The following KANK1 variants were observed in gnomAD, a reference collection of about 807,000 sequenced individuals.
KANK1 encodes KN motif and ankyrin repeat domain-containing protein 1.
KANK1 carries 109 observed loss-of-function variants against 106.2 expected under a neutral mutation model. That is an observed-to-expected ratio of 1.03 (90% confidence interval 0.88 to 1.20). The LOEUF (loss-of-function observed/expected upper bound fraction) is 1.20, where lower values mean the gene tolerates loss of function less well. Among genes scored for constraint, KANK1 ranks in the 50% most tolerant of loss-of-function variants. The pLI is 0.00. For synonymous variants in KANK1, 873 were observed against 652.2 expected (o/e 1.34, Z -5.16); for missense variants, 2,399 against 1,710.7 (o/e 1.40, Z -7.10).
intron 3 of KANK1, among the ~76,000 whole-genome samples, chr9:717,912 ATC>A (rs1394337489): frequency 6.6e-6 from 1 of 152,168 alleles, no homozygotes; most frequent in Admixed American, 6.5e-5. Flanking sequence ...TAGAACATTC[ATC>A]TCTCATACTG....
intron 1 of KANK1, among the ~76,000 whole-genome samples, chr9:642,997 A>C (rs1294302678): frequency 6.6e-6 from 1 of 150,660 alleles, no homozygotes; most frequent in African/African-American, 2.5e-5. Flanking sequence ...GCTCCATATT[A>C]AATATGGTGG....
intron 1 of KANK1, among the ~76,000 whole-genome samples, chr9:620,778 C>G (rs1323140731): frequency 6.6e-6 from 1 of 152,078 alleles, no homozygotes; most frequent in African/African-American, 2.4e-5. Context: ...AAAAAGCCAA[C>G]TTTTAAAAAT....
intron 1 of KANK1, among the ~76,000 whole-genome samples, chr9:509,637 A>G (rs1414688807): frequency 3.9e-5 from 6 of 152,134 alleles, no homozygotes; most frequent in African/African-American, 1.2e-4. Context: ...CTGGTGTTTT[A>G]CTAGTACATA....
At chr9:513,092 C>T (rs1162050075) in intron 1 of KANK1, among the ~76,000 whole-genome samples, 1 of 152,216 alleles carries the variant, frequency 6.6e-6, no homozygotes, top group African/African-American at 2.4e-5. Context: ...ACTCCAGCCA[C>T]TAAAAATGGG....
intron 1 of KANK1, among the ~76,000 whole-genome samples, chr9:578,120 T>C (rs977161769): frequency 2.0e-5 from 3 of 152,184 alleles, no homozygotes; most frequent in African/African-American, 4.8e-5. Flanking sequence ...CTGGGGCTTA[T>C]GGTTTAAAGG....
At chr9:592,006 A>C (rs1469721655) in intron 1 of KANK1, among the ~76,000 whole-genome samples, 1 of 151,662 alleles carries the variant, frequency 6.6e-6, no homozygotes, top group Non-Finnish European at 1.5e-5. Flanking sequence ...TTCCCCCTCC[A>C]GCCTGTAACA....
intron 1 of KANK1, among the ~76,000 whole-genome samples, chr9:584,131 CTT>C (rs1255470739): frequency 6.6e-6 from 1 of 152,178 alleles, no homozygotes; most frequent in East Asian, 1.9e-4. Context: ...TAAGAGGTGA[CTT>C]AAGTGCTTCA....
Position 711,792 on chromosome 9 carries a change from C to T in KANK1, c.1026C>T (p.Gly342=), listed in dbSNP as rs116775020. 23 of 1,614,046 alleles carry T rather than the reference C, an allele frequency of 1.4e-5. No homozygotes were observed. The highest frequency in any genetic ancestry group is 3.3e-4 in the Middle Eastern group (2 of 6,060). Residue 342 remains glycine (G), a synonymous_variant, in exon 3 of 12, where the codon GGC becomes GGT. Coordinates refer to ENST00000382297, the MANE Select transcript of KANK1 (RefSeq NM_015158.5). ...AGCTCTCCCGGGCCCGAAGAAGTGG[C>T]GGGGAATTATACATTGACTATGAGG... ...LEQLSRARRS[G]GELYIDYEEE...
At chr9:524,937 CTATTGCTT>C (rs2059715443) in intron 1 of KANK1, among the ~76,000 whole-genome samples, 3 of 146,022 alleles carry the variant, frequency 2.1e-5, no homozygotes, top group Non-Finnish European at 4.5e-5. Flanking sequence ...CTACTATTGT[CTATTGCTT>C]TATTGCTTTG....
intron 2 of KANK1, among the ~76,000 whole-genome samples, chr9:694,432 AT>A (rs1327898297): frequency 1.3e-5 from 2 of 152,202 alleles, no homozygotes; most frequent in Non-Finnish European, 2.9e-5. Context: ...TGCATGATTG[AT>A]TTGGGCTGTA....
intron 3 of KANK1, among the ~76,000 whole-genome samples, chr9:498,616 A>G (rs577484312): frequency 6.6e-6 from 1 of 152,366 alleles, no homozygotes; most frequent in South Asian, 2.1e-4. Context: ...CTAATTTAAC[A>G]ATAGACAAAA....
chr9:583,585 C>T (rs1014883346), intron 1 of KANK1, among the ~76,000 whole-genome samples: 2 of 151,758 alleles, frequency 1.3e-5, no homozygotes, highest in Admixed American at 6.6e-5. Flanking sequence ...TCCTTTATGG[C>T]TCTAATATGC....
At chr9:621,997 T>G (rs1833250224) in intron 1 of KANK1, among the ~76,000 whole-genome samples, 1 of 152,102 alleles carries the variant, frequency 6.6e-6, no homozygotes, top group East Asian at 1.9e-4. Context: ...CTAAGTTTGG[T>G]TTTCATTAAA....
chr9:494,824 C>G (rs1210305318), intron 3 of KANK1, among the ~76,000 whole-genome samples: 1 of 152,054 alleles, frequency 6.6e-6, no homozygotes, highest in East Asian at 1.9e-4. Flanking sequence ...AAAATAATAA[C>G]TGGCACAATA....
chr9:576,697 G>C (rs1198318079), intron 1 of KANK1, among the ~76,000 whole-genome samples: 1 of 152,084 alleles, frequency 6.6e-6, no homozygotes, highest in Non-Finnish European at 1.5e-5. Flanking sequence ...TCTTGAACTT[G>C]GTGCTTCTTC....
At chr9:611,023 C>G (rs1468393084) in intron 1 of KANK1, among the ~76,000 whole-genome samples, 1 of 152,120 alleles carries the variant, frequency 6.6e-6, no homozygotes, top group Non-Finnish European at 1.5e-5. Context: ...TCTTCTGTAT[C>G]CTTTATGTTG....
chr9:666,835 TTTG>T (rs1563953695), intron 1 of KANK1, among the ~76,000 whole-genome samples: 1 of 151,764 alleles, frequency 6.6e-6, no homozygotes, highest in Non-Finnish European at 1.5e-5. Flanking sequence ...CTGAATTCAG[TTTG>T]TTAATATTTT....
At chr9:549,628 G>C (rs999624524) in intron 1 of KANK1, 1 of 152,258 alleles carries the variant, frequency 6.6e-6, no homozygotes, top group Non-Finnish European at 1.5e-5. Flanking sequence ...ACCGGCAATA[G>C]CTGTATTGTG....
intron 7 of KANK1, among the ~76,000 whole-genome samples, chr9:737,382 GCTGT>G (rs1422457749): frequency 8.5e-5 from 13 of 152,176 alleles, no homozygotes; most frequent in Admixed American, 2.0e-4. Flanking sequence ...TCTGACATAG[GCTGT>G]CTTTCTTTGA....
Sources: allele counts gnomAD v4.1 joint callset (sites outside exome capture counted in the v4.1 genomes callset), GRCh38; gene constraint gnomAD v4.1.1; transcripts MANE v1.5; gene names NCBI Gene and HGNC (gene_info 2026-07-23, HGNC 2026-07-21).